Variants in UST observed in about 807,000 individuals in gnomAD.
UST encodes the protein chondroitin sulfate 2-O-sulfotransferase.
UST carries 21 observed loss-of-function variants against 45.6 expected under a neutral mutation model. The observed-to-expected ratio is 0.46, with a 90% CI of 0.33 to 0.66. The LOEUF is 0.66. UST is among the 30% of genes least tolerant of loss of function. UST has a pLI of 0.02. For missense variants in UST, 463 were observed against 512.4 expected (o/e 0.90, Z 0.93); for synonymous variants, 215 against 200.6 (o/e 1.07, Z -0.61).
At chr6:149,002,807 G>T (rs561950015) in intron 5 of UST, among the ~76,000 whole-genome samples, 1 of 152,046 alleles carries the variant, frequency 6.6e-6, no homozygotes, top group Admixed American at 6.6e-5. Flanking sequence ...GCGCCTGGCC[G>T]TATGACACAT....
chr6:149,058,371 GTGTGTGTGTGTGTGTGTA>G (rs1479123415), intron 7 of UST, among the ~76,000 whole-genome samples: 1 of 149,936 alleles, frequency 6.7e-6, no homozygotes, highest in Non-Finnish European at 1.5e-5. Flanking sequence ...GTGTGTGTGT[GTGTGTGTGTGTGTGTGTA>G]TGTGCGCGCG....
intron 1 of UST, among the ~76,000 whole-genome samples, chr6:148,758,568 A>G (rs1157314527): frequency 1.3e-5 from 2 of 152,174 alleles, no homozygotes; most frequent in Admixed American, 1.3e-4. Context: ...AACTTCCCCC[A>G]TTCATGACGA....
At chr6:148,924,344 C>T (rs940665224) in intron 2 of UST, among the ~76,000 whole-genome samples, 1 of 152,224 alleles carries the variant, frequency 6.6e-6, no homozygotes, top group African/African-American at 2.4e-5. Context: ...GGTCCCTTAT[C>T]ACCTTGTACT....
intron 1 of UST, among the ~76,000 whole-genome samples, chr6:148,755,777 C>T (rs1776083450): frequency 1.3e-5 from 2 of 151,408 alleles, no homozygotes; most frequent in African/African-American, 4.9e-5. Context: ...AAGTAATTTA[C>T]ACATAATTCA....
rs549520118 is a variant in UST at position 148,762,412 on chromosome 6, G to A, written c.247+14735G>A. Among the ~76,000 whole-genome samples, 88 of 152,240 alleles carry A rather than the reference G, an allele frequency of 5.8e-4. 1 individual carries two copies. Among genetic ancestry groups the A allele is most frequent in the African/African-American group, 1.9e-3 (78 of 41,546 alleles). On this transcript the variant is annotated intron_variant, in intron 1 of 7. Transcript: ENST00000367463. ...TGAAATGTATGCAGTTACCATGGTG[G>A]CACTCTGTCTCTGACCCAAACTCTG...
intron 5 of UST, among the ~76,000 whole-genome samples, chr6:149,012,442 G>A (rs1775828924): frequency 6.6e-6 from 1 of 152,146 alleles, no homozygotes; most frequent in Non-Finnish European, 1.5e-5. Flanking sequence ...TATGGGTCAA[G>A]GATTTGGGTA....
rs559177225 is a variant in UST at position 148,842,859 on chromosome 6, G to A, written c.248-44127G>A. Among the ~76,000 whole-genome samples, 3 of 152,232 alleles carry A rather than the reference G, an allele frequency of 2.0e-5. No homozygotes were observed. In the South Asian group the frequency reaches 6.2e-4, roughly 32 times the overall value. On this transcript the variant is annotated intron_variant, in intron 1 of 7. Transcript: ENST00000367463. ...GCAATCCTAGTGAGTAGTACTTAGT[G>A]GGTTTACAAACCACTCTGTCGCGGT...
chr6:148,878,688 G>A lies in UST; in HGVS notation c.248-8298G>A, dbSNP rs79965885. On this transcript the variant is annotated intron_variant, in intron 1 of 7. Transcript: ENST00000367463. ...GTGCGGGGGTCGTGTATGAGTGCGG[G>A]GGTCGTGTGTGAGTGCGGAGGTCGT... 1.7e-3 allele frequency among the ~76,000 whole-genome samples: 105 copies of A among 60,276 alleles called. 5 individuals are homozygous for A. In the South Asian group the frequency reaches 0.051, roughly 29 times the overall value. 39.5% of individuals were successfully genotyped at this position (60,276 alleles called of 152,430 possible). A position where few individuals can be genotyped will look rare whatever the true frequency, so the allele number is the denominator to read the frequency against.
intron 6 of UST, among the ~76,000 whole-genome samples, chr6:149,020,614 G>A (rs1775963596): frequency 1.3e-5 from 2 of 152,038 alleles, no homozygotes; most frequent in South Asian, 4.2e-4. Flanking sequence ...CTAGGTAAGG[G>A]TGATTTTTAC....
chr6:148,964,193 C>G (rs956098430), intron 4 of UST, among the ~76,000 whole-genome samples: 2 of 152,344 alleles, frequency 1.3e-5, no homozygotes, highest in African/African-American at 4.8e-5. Flanking sequence ...CACAGCCCCT[C>G]AACAGGTACC....
In UST at chr6:148,858,954, A is replaced by C. The variant is rs191592332; in HGVS notation, c.248-28032A>C. 3.0e-3 allele frequency among the ~76,000 whole-genome samples: 463 copies of C among 152,246 alleles called. 1 individual carries two copies. Among genetic ancestry groups the C allele is most frequent in the African/African-American group, 0.011 (445 of 41,552 alleles). ...TGCTGTTGTGAATAGTGCCGCAATA[A>C]ACATACGTGTGCATGTGTCTTTATA... is the stretch of plus-strand genomic sequence containing the variant. On this transcript the variant is annotated intron_variant, in intron 1 of 7. Coordinates refer to ENST00000367463, the MANE Select transcript of UST (RefSeq NM_005715.3).
intron 2 of UST, among the ~76,000 whole-genome samples, chr6:148,923,106 A>G (rs1398284243): frequency 6.6e-6 from 1 of 152,064 alleles, no homozygotes; most frequent in Non-Finnish European, 1.5e-5. Context: ...AGCTGCCTGT[A>G]CCCAACTCCC....
chr6:148,838,547 G>A (rs1401776154), intron 1 of UST, among the ~76,000 whole-genome samples: 2 of 152,122 alleles, frequency 1.3e-5, no homozygotes, highest in African/African-American at 4.8e-5. Flanking sequence ...TGTTGCTGTT[G>A]CTGCTGGTCC....
chr6:148,813,075 CAT>C (rs891843619), intron 1 of UST, among the ~76,000 whole-genome samples: 8 of 152,158 alleles, frequency 5.3e-5, no homozygotes, highest in African/African-American at 1.4e-4. Context: ...TACACACACA[CAT>C]GTATTTACAT....
At chr6:148,992,959 T>C in intron 5 of UST, 1 of 979,328 alleles carries the variant, frequency 1.0e-6, no homozygotes, top group Non-Finnish European at 1.2e-6. Context: ...AAACAAATTA[T>C]ACTGAAATAC....
rs771703864 is a variant in UST at position 148,964,397 on chromosome 6, A to G, written c.528-13A>G. Reference sequence around the variant, plus strand: ...GCAGTGATGGGTTGTAACGAACTCAATGTTTGTGTTAGGTTTGGAGGAGAC... The same window carrying G: ...GCAGTGATGGGTTGTAACGAACTCAGTGTTTGTGTTAGGTTTGGAGGAGAC... On this transcript the variant is annotated splice_polypyrimidine_tract_variant and intron_variant, in intron 4 of 7. Coordinates refer to ENST00000367463, the MANE Select transcript of UST (RefSeq NM_005715.3). 3.1e-6 allele frequency: 5 copies of G among 1,613,792 alleles called. No individual in the cohort carries two copies. The highest frequency in any genetic ancestry group is 1.3e-5 in the African/African-American group (1 of 74,914).
At chr6:148,905,404 C>G (rs1213403418) in intron 2 of UST, among the ~76,000 whole-genome samples, 1 of 152,198 alleles carries the variant, frequency 6.6e-6, no homozygotes, top group Non-Finnish European at 1.5e-5. Flanking sequence ...CTCATCTTGA[C>G]CTTCAGCTCC....
intron 2 of UST, among the ~76,000 whole-genome samples, chr6:148,915,988 A>G (rs1388174681): frequency 7.1e-6 from 1 of 140,420 alleles, no homozygotes; most frequent in African/African-American, 2.5e-5. Context: ...TAGCTTCTCC[A>G]GCAACCAGAG....
At chr6:148,824,128 A>G (rs1227373789) in intron 1 of UST, among the ~76,000 whole-genome samples, 1 of 152,246 alleles carries the variant, frequency 6.6e-6, no homozygotes, top group African/African-American at 2.4e-5. Flanking sequence ...TAGGCTTGTT[A>G]GGAGCATCTG....
Sources: gnomAD v4.1 joint callset for allele counts (sites outside exome capture counted in the v4.1 genomes callset) on GRCh38, gnomAD v4.1.1 for gene constraint, MANE v1.5 for transcripts, NCBI Gene and HGNC (gene_info 2026-07-23, HGNC 2026-07-21) for gene names.